CNTN5: variants seen among roughly 807,000 people sequenced by gnomAD.
CNTN5 encodes contactin 5.
A neutral mutation model predicts 129.1 loss-of-function variants in CNTN5; 77 were observed. The ratio of observed to expected loss-of-function variants is 0.60; its 90% CI spans 0.50 to 0.72. CNTN5 has a LOEUF of 0.72. CNTN5 is among the 30% of genes least tolerant of loss of function. The pLI, the probability that CNTN5 is intolerant of heterozygous loss-of-function variation, is 0.00. For synonymous variants in CNTN5, 509 were observed against 465.6 expected (o/e 1.09, Z -1.20); for missense variants, 1,478 against 1,328.8 (o/e 1.11, Z -1.75).
chr11:99,449,552 C>T (rs925157055), intron 2 of CNTN5, among the ~76,000 whole-genome samples: 1 of 152,218 alleles, frequency 6.6e-6, no homozygotes, highest in African/African-American at 2.4e-5. Context: ...AAGAAACCAT[C>T]TCACCTTACT....
intron 1 of CNTN5, among the ~76,000 whole-genome samples, chr11:99,314,042 AG>A (rs1260507886): frequency 2.0e-5 from 3 of 152,040 alleles, no homozygotes; most frequent in African/African-American, 7.2e-5. Context: ...ATTAGCCCAA[AG>A]GGGGTTGGTA....
chr11:99,382,844 A>AATTTTTTTTTTTTTTT (rs774797660), intron 2 of CNTN5, among the ~76,000 whole-genome samples: 2 of 69,402 alleles, frequency 2.9e-5, no homozygotes, highest in Non-Finnish European at 4.7e-5. Context: ...TCTCTAAATA[A>AATTTTTTTTTTTTTTT]CTTTTTTTTT....
At chr11:99,084,919 T>G (rs1853958550) in intron 1 of CNTN5, among the ~76,000 whole-genome samples, 1 of 152,252 alleles carries the variant, frequency 6.6e-6, no homozygotes, top group Non-Finnish European at 1.5e-5. Flanking sequence ...ATATGGTTTA[T>G]CTGATTAATA....
At chr11:99,435,084 T>C (rs1943548334) in intron 2 of CNTN5, among the ~76,000 whole-genome samples, 2 of 152,166 alleles carry the variant, frequency 1.3e-5, no homozygotes, top group African/African-American at 4.8e-5. Flanking sequence ...ATCAGTCTTT[T>C]AGTATCAATG....
intron 3 of CNTN5, among the ~76,000 whole-genome samples, chr11:99,757,449 T>G (rs910079090): frequency 9.2e-5 from 14 of 151,934 alleles, no homozygotes; most frequent in Non-Finnish European, 1.9e-4. Context: ...ACTCTAATTA[T>G]AACTTCATTT....
intron 1 of CNTN5, among the ~76,000 whole-genome samples, chr11:99,239,689 A>T (rs565550278): frequency 2.6e-5 from 4 of 152,150 alleles, no homozygotes; most frequent in African/African-American, 9.6e-5. Flanking sequence ...TAATCCCAGC[A>T]CTTTGGGAGG....
chr11:99,989,163 C>T (rs549544826), intron 8 of CNTN5, among the ~76,000 whole-genome samples: 1 of 152,260 alleles, frequency 6.6e-6, no homozygotes, highest in East Asian at 1.9e-4. Context: ...AAAGAGCCAA[C>T]TCTGATTGGG....
chr11:99,065,936 G>A (rs748775148), intron 1 of CNTN5, among the ~76,000 whole-genome samples: 4 of 152,092 alleles, frequency 2.6e-5, no homozygotes, highest in Admixed American at 6.6e-5. Context: ...ACTCTGTTGT[G>A]AAAACCTGAT....
chr11:99,515,729 C>G (rs1349321182), intron 2 of CNTN5, among the ~76,000 whole-genome samples: 1 of 151,782 alleles, frequency 6.6e-6, no homozygotes, highest in Non-Finnish European at 1.5e-5. Context: ...CATGTGTTTT[C>G]TAGATGCATT....
intron 3 of CNTN5, among the ~76,000 whole-genome samples, chr11:99,623,145 C>G (rs998162945): frequency 6.6e-6 from 1 of 152,026 alleles, no homozygotes; most frequent in Non-Finnish European, 1.5e-5. Flanking sequence ...GTGATGTCTT[C>G]TGAGTTACAA....
At chr11:99,314,466 C>G (rs1213529888) in intron 1 of CNTN5, among the ~76,000 whole-genome samples, 1 of 152,038 alleles carries the variant, frequency 6.6e-6, no homozygotes, top group African/African-American at 2.4e-5. Context: ...ACTACTTTCA[C>G]TTGTTCGGTA....
intron 13 of CNTN5, among the ~76,000 whole-genome samples, chr11:100,142,167 G>A (rs1946715997): frequency 6.6e-6 from 1 of 152,082 alleles, no homozygotes; most frequent in Non-Finnish European, 1.5e-5. Context: ...CCCTTCCCTG[G>A]TTCTGGGACT....
intron 3 of CNTN5, among the ~76,000 whole-genome samples, chr11:99,615,495 A>T (rs1950731972): frequency 6.6e-6 from 1 of 152,172 alleles, no homozygotes. Context: ...ATGAATAGTG[A>T]TATCCCTTCT....
intron 2 of CNTN5, among the ~76,000 whole-genome samples, chr11:99,497,732 A>C (rs549910122): frequency 6.6e-6 from 1 of 152,298 alleles, no homozygotes; most frequent in East Asian, 1.9e-4. Context: ...ACTGTAAAAG[A>C]TGGGATGTAC....
intron 2 of CNTN5, among the ~76,000 whole-genome samples, chr11:99,376,599 G>T (rs1940197422): frequency 6.6e-6 from 1 of 152,132 alleles, no homozygotes; most frequent in Middle Eastern, 3.2e-3. Flanking sequence ...CTTTATCAGG[G>T]ATTATCTGCC....
intron 1 of CNTN5, among the ~76,000 whole-genome samples, chr11:99,210,673 G>A (rs959765731): frequency 2.0e-5 from 3 of 152,028 alleles, no homozygotes; most frequent in Admixed American, 6.6e-5. Context: ...CGTAATTTTT[G>A]TTTAAATCAA....
At chr11:100,285,445 T>G (rs769078545) in intron 18 of CNTN5, among the ~76,000 whole-genome samples, 4 of 152,202 alleles carry the variant, frequency 2.6e-5, no homozygotes, top group Non-Finnish European at 5.9e-5. Context: ...AGAGCATGCA[T>G]GCCTTCTAAA....
At chr11:99,854,700 C>A (rs1051112559) in intron 6 of CNTN5, among the ~76,000 whole-genome samples, 1 of 152,066 alleles carries the variant, frequency 6.6e-6, no homozygotes, top group African/African-American at 2.4e-5. Flanking sequence ...TTCTGACTTT[C>A]AGGAGAAAAT....
At position 99,577,590 on chromosome 11, in the gene CNTN5, A is replaced by G. The variant is rs372809858; in HGVS notation, c.55+21321A>G. On this transcript the variant is annotated intron_variant, in intron 3 of 24. Transcript: ENST00000524871. ...CATTTAATTAAAAATAATGTGTGAC[A>G]GATGATTATTTTTCCATTGAGCCCG... is the stretch of plus-strand genomic sequence containing the variant. Among the ~76,000 whole-genome samples the G allele has an allele frequency of 1.1e-4, 17 of 152,154 alleles. No homozygotes were observed. In the East Asian group the frequency reaches 1.3e-3, roughly 12 times the overall value.
Sources: gnomAD v4.1 joint callset for allele counts (sites outside exome capture counted in the v4.1 genomes callset) on GRCh38, gnomAD v4.1.1 for gene constraint, MANE v1.5 for transcripts, NCBI Gene and HGNC (gene_info 2026-07-23, HGNC 2026-07-21) for gene names.